Variants in NFYC observed in about 807,000 individuals in gnomAD.
NFYC encodes the protein nuclear transcription factor Y subunit gamma, also known as CAAT box DNA-binding protein subunit C.
NFYC carries 25 observed loss-of-function variants against 53.1 expected under a neutral mutation model. The observed-to-expected ratio is 0.47, with a 90% CI of 0.34 to 0.66. The LOEUF is 0.66. NFYC is among the 30% of genes least tolerant of loss of function. The pLI is 0.01. For synonymous variants in NFYC, 145 were observed against 152.6 expected (o/e 0.95, Z 0.37); for missense variants, 260 against 422.7 (o/e 0.62, Z 3.38).
intron 1 of NFYC, among the ~76,000 whole-genome samples, chr1:40,695,112 G>A (rs1371958786): frequency 2.0e-5 from 3 of 151,998 alleles, no homozygotes; most frequent in South Asian, 2.1e-4. Context: ...GGTGGTGGGC[G>A]CCTGTAATCC....
At chr1:40,732,343 T>C (rs1259440147) in intron 1 of NFYC, among the ~76,000 whole-genome samples, 2 of 152,252 alleles carry the variant, frequency 1.3e-5, no homozygotes, top group Non-Finnish European at 2.9e-5. Flanking sequence ...GTTGATAATT[T>C]TGATACATCC....
At chr1:40,740,502 T>G (rs1040397179) in intron 2 of NFYC, among the ~76,000 whole-genome samples, 1 of 152,204 alleles carries the variant, frequency 6.6e-6, no homozygotes, top group Non-Finnish European at 1.5e-5. Context: ...GTCATGTTTG[T>G]TTATATGAAG....
intron 1 of NFYC, among the ~76,000 whole-genome samples, chr1:40,713,906 A>C (rs769776074): frequency 1.3e-5 from 2 of 152,196 alleles, no homozygotes; most frequent in Non-Finnish European, 2.9e-5. Context: ...CTTTACCTGA[A>C]GTGTGTTGGT....
At chr1:40,747,259 AC>A (rs1445326814) in intron 2 of NFYC, among the ~76,000 whole-genome samples, 2 of 151,256 alleles carry the variant, frequency 1.3e-5, no homozygotes, top group Admixed American at 6.6e-5. Context: ...AAAAAAAAAA[AC>A]AGATATTGCT....
At chr1:40,728,324 C>T (rs868846622) in intron 1 of NFYC, among the ~76,000 whole-genome samples, 8 of 152,120 alleles carry the variant, frequency 5.3e-5, no homozygotes, top group East Asian at 2.0e-4. Flanking sequence ...CGGCTGGGCG[C>T]GATGGTTTAC....
Position 40,770,989 on chromosome 1 carries a change from T to G in NFYC, c.*161T>G. 1 of 684,984 alleles carries G rather than the reference T, an allele frequency of 1.5e-6. No homozygotes were observed. Among genetic ancestry groups the G allele is most frequent in the South Asian group, 1.9e-5 (1 of 52,904 alleles). 42.4% of individuals were successfully genotyped at this position (684,984 alleles called of 1,614,324 possible). A position where few individuals can be genotyped will look rare whatever the true frequency, so the allele number is the denominator to read the frequency against. On this transcript the variant is annotated 3_prime_UTR_variant, in exon 10 of 10. Coordinates refer to ENST00000447388, the MANE Select transcript of NFYC (RefSeq NM_014223.5). The surrounding 1 kb of genome is among the most constrained non-coding windows in gnomAD (Gnocchi z 5.3). ...ACCCCATGCCTGGGGGCCGAGATTC[T>G]CCAGCAGAAAGATGCAATATTTTTT...
intron 1 of NFYC, among the ~76,000 whole-genome samples, chr1:40,696,259 G>A (rs1643138292): frequency 1.3e-5 from 2 of 152,068 alleles, no homozygotes; most frequent in Non-Finnish European, 1.5e-5. Context: ...TCCTGACCTC[G>A]TGATCCGCCC....
chr1:40,765,632 A>C (rs1228430449), intron 7 of NFYC, among the ~76,000 whole-genome samples: 2 of 152,158 alleles, frequency 1.3e-5, no homozygotes, highest in East Asian at 3.9e-4. Flanking sequence ...TGGACCCCGC[A>C]GATAGAGACC....
At chr1:40,742,224 T>A (rs1645387340) in intron 2 of NFYC, among the ~76,000 whole-genome samples, 1 of 152,164 alleles carries the variant, frequency 6.6e-6, no homozygotes, top group Admixed American at 6.5e-5. Flanking sequence ...CCTTTTTTTT[T>A]TTTTAAGGCA....
chr1:40,740,036 G>C (rs955758002), intron 2 of NFYC, among the ~76,000 whole-genome samples: 3 of 152,072 alleles, frequency 2.0e-5, no homozygotes, highest in African/African-American at 7.2e-5. Flanking sequence ...GGTGAGACAG[G>C]TTAGAGTTGG....
intron 7 of NFYC, among the ~76,000 whole-genome samples, chr1:40,763,814 A>G (rs540715472): frequency 6.6e-6 from 1 of 152,138 alleles, no homozygotes; most frequent in East Asian, 1.9e-4. Flanking sequence ...CCCTCATTCT[A>G]CCTATGCAGG....
intron 2 of NFYC, among the ~76,000 whole-genome samples, chr1:40,739,154 T>A (rs1645208774): frequency 6.6e-6 from 1 of 152,192 alleles, no homozygotes; most frequent in Non-Finnish European, 1.5e-5. Flanking sequence ...TCAGTGTTCT[T>A]CCATAGGCGT....
intron 1 of NFYC, among the ~76,000 whole-genome samples, chr1:40,720,448 C>T (rs1160122681): frequency 2.6e-5 from 4 of 152,204 alleles, no homozygotes; most frequent in Non-Finnish European, 4.4e-5. Flanking sequence ...CAACCCCACT[C>T]TTGTGGCTCT....
chr1:40,693,193 A>G (rs1642933358), intron 1 of NFYC, among the ~76,000 whole-genome samples: 2 of 152,340 alleles, frequency 1.3e-5, no homozygotes, highest in Middle Eastern at 6.8e-3. Flanking sequence ...GCCCATGCAT[A>G]GCTTCTTAAG....
chr1:40,732,400 A>G (rs942123545), intron 1 of NFYC, among the ~76,000 whole-genome samples: 3 of 152,242 alleles, frequency 2.0e-5, no homozygotes, highest in Non-Finnish European at 2.9e-5. Context: ...TTTGGCAGGC[A>G]TGGTACCTGG....
intron 2 of NFYC, among the ~76,000 whole-genome samples, chr1:40,740,868 A>G (rs1645301385): frequency 6.6e-6 from 1 of 151,862 alleles, no homozygotes; most frequent in Middle Eastern, 3.5e-3. Flanking sequence ...AAGTGGCCAG[A>G]TAAACTCTGG....
chr1:40,750,006 A>G (rs993669937), intron 4 of NFYC, among the ~76,000 whole-genome samples: 3 of 152,206 alleles, frequency 2.0e-5, no homozygotes, highest in Non-Finnish European at 4.4e-5. Context: ...GGCTCAAGTG[A>G]TAAGAGTATT....
intron 3 of NFYC, 107 bp from the exon 4 acceptor site, chr1:40,749,466 A>T: frequency 1.2e-6 from 1 of 817,682 alleles, no homozygotes; most frequent in East Asian, 2.4e-5. Flanking sequence ...ATACCACCTC[A>T]TTTTTTGACC....
chr1:40,740,432 T>C (rs754410127), intron 2 of NFYC, among the ~76,000 whole-genome samples: 1 of 152,164 alleles, frequency 6.6e-6, no homozygotes, highest in Non-Finnish European at 1.5e-5. Flanking sequence ...TAACTTATTA[T>C]GATAAATGCC....
Sources: gnomAD v4.1 joint callset for allele counts (sites outside exome capture counted in the v4.1 genomes callset) on GRCh38, gnomAD v4.1.1 for gene constraint, Gnocchi (gnomAD v3.1) non-coding constraint, MANE v1.5 for transcripts, NCBI Gene and HGNC (gene_info 2026-07-23, HGNC 2026-07-21) for gene names.